The following ETFA variants were observed in gnomAD, a reference collection of about 807,000 sequenced individuals.
ETFA encodes the protein electron transfer flavoprotein subunit alpha, mitochondrial.
In ETFA, 22 loss-of-function variants were observed where a neutral mutation model predicts 46.2. That is an observed-to-expected ratio of 0.48 (90% CI 0.34 to 0.68). ETFA has a LOEUF of 0.68. Ranked by LOEUF, ETFA falls within the 30% of genes least tolerant of loss-of-function variation. The pLI is 0.01. For missense variants in ETFA, 345 were observed against 401.1 expected, an observed-to-expected ratio of 0.86 and a Z score of 1.19; for synonymous variants, 131 against 139.9, an observed-to-expected ratio of 0.94 and a Z score of 0.45.
chr15:76,305,985 C>T (rs1402120275), intron 1 of ETFA, among the ~76,000 whole-genome samples: 1 of 151,602 alleles, frequency 6.6e-6, no homozygotes, highest in African/African-American at 2.4e-5. Context: ...GTAGCTGTGA[C>T]TACAGGCACA....
intron 4 of ETFA, among the ~76,000 whole-genome samples, chr15:76,288,917 C>CTT (rs1380290288): frequency 2.1e-4 from 3 of 14,318 alleles, no homozygotes; most frequent in East Asian, 2.3e-3. Context: ...TCTTCTTCTT[C>CTT]TTCTTTTTTT....
Position 76,311,457 on chromosome 15 carries a change from C to T in ETFA, c.-69G>A. 2.6e-6 allele frequency: 4 copies of T among 1,528,458 alleles called. No individual in the cohort carries two copies. The East Asian group carries it at 7.3e-5, about 28-fold the overall frequency. The allele number at this position is 1,528,458 out of a possible 1,614,324, so 94.7% of individuals were successfully genotyped here. Reference sequence around the variant, plus strand: ...GCCCGGCCAACTGGCGCCGCCTCAGCCAGTCACCTAATGCTCGCGAGACGC... The same window carrying T: ...GCCCGGCCAACTGGCGCCGCCTCAGTCAGTCACCTAATGCTCGCGAGACGC... On this transcript the variant is annotated 5_prime_UTR_variant, in exon 1 of 12. Coordinates refer to ENST00000557943, the MANE Select transcript of ETFA (RefSeq NM_000126.4).
At chr15:76,272,906 C>A (rs1204782658) in intron 9 of ETFA, among the ~76,000 whole-genome samples, 1 of 151,212 alleles carries the variant, frequency 6.6e-6, no homozygotes, top group Non-Finnish European at 1.5e-5. Context: ...ACTCTCACAG[C>A]CTAATTCGGT....
rs563508820 is a variant in ETFA at position 76,259,770 on chromosome 15, G to A, written c.816+14642C>T. The A allele has an allele frequency of 3.5e-5, 56 of 1,600,940 alleles. No individual in the cohort carries two copies. In the East Asian group the frequency reaches 5.2e-4, roughly 15 times the overall value. On this transcript the variant is annotated intron_variant, in intron 9 of 11. Transcript: ENST00000557943. ...GCCAGGTCTCGGTGGATGAAGTTCC[G>A]AGAGCTCAGGTACTCCATGCTGCAG...
At chr15:76,277,891 C>T (rs1369817120) in intron 8 of ETFA, among the ~76,000 whole-genome samples, 1 of 152,144 alleles carries the variant, frequency 6.6e-6, no homozygotes, top group Non-Finnish European at 1.5e-5. Context: ...GTGGAGGTTG[C>T]TACTTTTGGG....
intron 2 of ETFA, among the ~76,000 whole-genome samples, 173 bp from the exon 3 acceptor site, chr15:76,292,873 C>G (rs1052098304): frequency 6.6e-6 from 1 of 152,212 alleles, no homozygotes; most frequent in African/African-American, 2.4e-5. Flanking sequence ...CGCAGTGGCT[C>G]AAGCCTGTAA....
At chr15:76,309,403 A>C (rs2039968155) in intron 1 of ETFA, among the ~76,000 whole-genome samples, 1 of 152,204 alleles carries the variant, frequency 6.6e-6, no homozygotes, top group Non-Finnish European at 1.5e-5. Context: ...GTGAGCTGAG[A>C]TCGCGCCACT....
intron 1 of ETFA, among the ~76,000 whole-genome samples, chr15:76,299,157 C>T (rs1427118222): frequency 6.6e-6 from 1 of 152,198 alleles, no homozygotes; most frequent in Non-Finnish European, 1.5e-5. Context: ...CAGGCCTATG[C>T]CATCCATAAA....
In ETFA at chr15:76,311,450, G is replaced by C. The variant is rs1401000508; in HGVS notation, c.-62C>G. 3 of 1,533,548 alleles carry C rather than the reference G, an allele frequency of 2.0e-6. No homozygotes were observed. Among genetic ancestry groups the C allele is most frequent in the Non-Finnish European group, 2.6e-6 (3 of 1,138,580 alleles). 95.0% of individuals were successfully genotyped at this position (1,533,548 alleles called of 1,614,324 possible). ...GCCCCGTGCCCGGCCAACTGGCGCC[G>C]CCTCAGCCAGTCACCTAATGCTCGC... On this transcript the variant is annotated 5_prime_UTR_variant, in exon 1 of 12. Transcript: ENST00000557943.
chr15:76,288,158 G>A (rs2039719890), intron 4 of ETFA, among the ~76,000 whole-genome samples: 1 of 152,100 alleles, frequency 6.6e-6, no homozygotes. Flanking sequence ...TACATTAAGA[G>A]TTTCATGAGT....
chr15:76,271,681 A>C (rs2039533044), intron 9 of ETFA, among the ~76,000 whole-genome samples: 1 of 152,144 alleles, frequency 6.6e-6, no homozygotes, highest in Admixed American at 6.5e-5. Context: ...CTAATTTAAA[A>C]AGTTGTATTG....
chr15:76,286,713 G>C (rs1273947220), intron 5 of ETFA, among the ~76,000 whole-genome samples: 1 of 152,128 alleles, frequency 6.6e-6, no homozygotes, highest in Non-Finnish European at 1.5e-5. Flanking sequence ...ACCACACCTA[G>C]AAGGAAGAAA....
intron 9 of ETFA, among the ~76,000 whole-genome samples, chr15:76,234,367 CAATAAT>C (rs1226643127): frequency 6.6e-6 from 1 of 151,924 alleles, no homozygotes; most frequent in South Asian, 2.1e-4. Context: ...TTTTGTATTT[CAATAAT>C]AATAATAATT....
At chr15:76,260,829 C>G in intron 9 of ETFA, 1 of 1,484,648 alleles carries the variant, frequency 6.7e-7, no homozygotes, top group Non-Finnish European at 9.3e-7. Context: ...GAGGCTGTAG[C>G]TGGTGGCAGG....
intron 9 of ETFA, among the ~76,000 whole-genome samples, chr15:76,254,693 T>C (rs1170930121): frequency 1.3e-5 from 2 of 152,216 alleles, no homozygotes; most frequent in Non-Finnish European, 2.9e-5. Flanking sequence ...CCAAGACTTT[T>C]AAAGAAACCA....
intron 1 of ETFA, among the ~76,000 whole-genome samples, chr15:76,297,397 T>TA (rs1422241412): frequency 6.6e-6 from 1 of 151,264 alleles, no homozygotes; most frequent in East Asian, 1.9e-4. Context: ...TAATTAAAAA[T>TA]AAAAAATAAT....
At chr15:76,254,632 C>T (rs550742283) in intron 9 of ETFA, among the ~76,000 whole-genome samples, 4 of 152,182 alleles carry the variant, frequency 2.6e-5, no homozygotes, top group South Asian at 2.1e-4. Context: ...TGTTATTTAC[C>T]GTTTTTTTCT....
chr15:76,216,874 CTCACTCTG>C (rs1449227236), intron 11 of ETFA, among the ~76,000 whole-genome samples: 2 of 127,750 alleles, frequency 1.6e-5, no homozygotes, highest in African/African-American at 6.2e-5. Flanking sequence ...GAGACAGGCT[CTCACTCTG>C]TCACCCAGGC....
At chr15:76,239,881 CCTT>C (rs1391374346) in intron 9 of ETFA, among the ~76,000 whole-genome samples, 1 of 151,948 alleles carries the variant, frequency 6.6e-6, no homozygotes, top group Non-Finnish European at 1.5e-5. Flanking sequence ...CTCTGTGTCT[CCTT>C]ATCATGAATA....
Sources: gnomAD v4.1 joint callset for allele counts (sites outside exome capture counted in the v4.1 genomes callset) on GRCh38, gnomAD v4.1.1 for gene constraint, MANE v1.5 for transcripts, NCBI Gene and HGNC (gene_info 2026-07-23, HGNC 2026-07-21) for gene names.